The following STK10 variants were observed in gnomAD, a reference collection of about 807,000 sequenced individuals.
The protein encoded by STK10 is serine/threonine kinase 10.
A neutral mutation model predicts 113.8 loss-of-function variants in STK10; 78 were observed. The ratio of observed to expected loss-of-function variants is 0.69; its 90% CI spans 0.57 to 0.83. The LOEUF (loss-of-function observed/expected upper bound fraction) is 0.83, where lower values mean the gene tolerates loss of function less well. Among genes scored for constraint, STK10 ranks in the 40% least tolerant of loss-of-function variants. STK10 has a pLI of 0.00. For missense variants in STK10, 1,109 were observed against 1,280.1 expected (o/e 0.87, Z 2.04); for synonymous variants, 465 against 494.7 (o/e 0.94, Z 0.80).
Position 172,133,296 on chromosome 5 carries a change from A to G in STK10, c.322-5875T>C, listed in dbSNP as rs988725381. Among the ~76,000 whole-genome samples the G allele has an allele frequency of 1.3e-5, 2 of 152,180 alleles. No individual in the cohort carries two copies. Among genetic ancestry groups the G allele is most frequent in the African/African-American group, 4.8e-5 (2 of 41,446 alleles). On this transcript the variant is annotated intron_variant, in intron 2 of 18. Coordinates refer to ENST00000176763, the MANE Select transcript of STK10 (RefSeq NM_005990.4). The surrounding 1 kb of genome is among the most constrained non-coding windows in gnomAD (Gnocchi z 4.9). The stretch of plus-strand genomic sequence containing the variant: ...TTGGAAAGATCCCTCTAGATGCATT[A>G]TTAAGGAAAAAACAGTGGGTTGGGG...
intron 12 of STK10, among the ~76,000 whole-genome samples, chr5:172,072,290 G>A (rs939516911): frequency 1.9e-4 from 28 of 150,084 alleles, no homozygotes; most frequent in African/African-American, 6.9e-4. Context: ...TTTTTGAGAT[G>A]GAGTCTTGCT....
chr5:172,087,256 C>CTTAT (rs59070930), intron 10 of STK10, among the ~76,000 whole-genome samples: 1,580 of 150,242 alleles, frequency 0.011, 8 homozygotes, highest in East Asian at 0.018. Flanking sequence ...TTGGTTTTGG[C>CTTAT]TTATTTATTT....
intron 12 of STK10, among the ~76,000 whole-genome samples, chr5:172,079,809 G>A (rs10073379): frequency 0.17 from 25,322 of 152,036 alleles, 2,330 homozygotes; most frequent in African/African-American, 0.23. Flanking sequence ...TGATCCGCCC[G>A]CCTGGGCCTC....
rs78993434 is a variant in STK10, at chr5:172,185,591, C to T, written c.156+2296G>A. Among the ~76,000 whole-genome samples, 1,357 of 152,302 alleles carry T rather than the reference C, an allele frequency of 8.9e-3. 26 individuals carry two copies. Among genetic ancestry groups the T allele is most frequent in the African/African-American group, 0.031 (1,302 of 41,560 alleles). ...CCAAAAAACCCATATGTTTAGCATA[C>T]GCTAAAAACACCAACTGAACCTTCT... On this transcript the variant is annotated intron_variant, in intron 1 of 18. Transcript: ENST00000176763.
intron 18 of STK10, among the ~76,000 whole-genome samples, chr5:172,050,462 C>T (rs892076835): frequency 1.3e-5 from 2 of 152,154 alleles, no homozygotes; most frequent in Non-Finnish European, 2.9e-5. Flanking sequence ...GAGGCTGAGA[C>T]AGGAGAACTG....
chr5:172,046,430 A>T (rs4867663), intron 18 of STK10, among the ~76,000 whole-genome samples: 81,558 of 151,412 alleles, frequency 0.54, 22,639 homozygotes, highest in Non-Finnish European at 0.62. Flanking sequence ...CAATTCCAGC[A>T]CATAGGCTAT....
chr5:172,187,615 CGCAGTGCAGGACACACA>C lies in STK10; in HGVS notation c.156+255_156+271del, dbSNP rs1218970671. ...CTTTGTCTCCCCGTGCGGCGCCGAG[CGCAGTGCAGGACACACA>C]GGAAGTGCTCCGAAACAGGGCTAGG... On this transcript the variant is annotated intron_variant, in intron 1 of 18. Coordinates refer to ENST00000176763, the MANE Select transcript of STK10 (RefSeq NM_005990.4). The surrounding 1 kb of genome is among the most constrained non-coding windows in gnomAD (Gnocchi z 4.6). Among the ~76,000 whole-genome samples the C allele has an allele frequency of 6.6e-6, 1 of 152,236 alleles. No individual in the cohort carries two copies. Among genetic ancestry groups the C allele is most frequent in the African/African-American group, 2.4e-5 (1 of 41,466 alleles).
chr5:172,176,761 C>T (rs748711832), intron 1 of STK10, among the ~76,000 whole-genome samples: 19 of 152,172 alleles, frequency 1.2e-4, no homozygotes, highest in South Asian at 4.1e-4. Flanking sequence ...TGCTATGGTC[C>T]GAGTGTCTGT....
At chr5:172,074,720 CTAATTAAAAAAT>C (rs1297489176) in intron 12 of STK10, among the ~76,000 whole-genome samples, 7 of 152,070 alleles carry the variant, frequency 4.6e-5, no homozygotes, top group Non-Finnish European at 8.8e-5. Context: ...AAACAAAGTA[CTAATTAAAAAAT>C]TAGCAGCCGG....
chr5:172,109,630 T>G (rs922707148), intron 4 of STK10, among the ~76,000 whole-genome samples: 1 of 152,124 alleles, frequency 6.6e-6, no homozygotes, highest in Non-Finnish European at 1.5e-5. Context: ...TTTACATGCA[T>G]TCCAACACTC....
chr5:172,159,100 A>G (rs1466031821), intron 1 of STK10, among the ~76,000 whole-genome samples: 2 of 152,230 alleles, frequency 1.3e-5, no homozygotes, highest in Non-Finnish European at 2.9e-5. Context: ...TGGAGCAAGC[A>G]ATCCCACCCC....
In STK10 at chr5:172,168,178, AC is replaced by A. The variant is rs1770603789; in HGVS notation, c.157-11391del. Among the ~76,000 whole-genome samples, 2 of 152,218 alleles carry A rather than the reference AC, an allele frequency of 1.3e-5. 1 individual carries two copies. The highest frequency in any genetic ancestry group is 4.1e-4 in the South Asian group (2 of 4,826). On this transcript the variant is annotated intron_variant, in intron 1 of 18. Coordinates refer to ENST00000176763, the MANE Select transcript of STK10 (RefSeq NM_005990.4). ...GCATGTATCAAATATGGTTCAGGCCACTGGAACCAAAGCAGGGCTTGGTCTG... is the reference window on the plus strand; with the variant it reads ...GCATGTATCAAATATGGTTCAGGCCATGGAACCAAAGCAGGGCTTGGTCTG...
At chr5:172,084,323 C>A (rs747691192) in intron 10 of STK10, among the ~76,000 whole-genome samples, 24 of 152,122 alleles carry the variant, frequency 1.6e-4, no homozygotes, top group Middle Eastern at 3.4e-3. Context: ...TCGCTTGAAT[C>A]CGGGAGGCGG....
chr5:172,054,039 T>C (rs1767691345), intron 17 of STK10, among the ~76,000 whole-genome samples: 2 of 152,302 alleles, frequency 1.3e-5, no homozygotes, highest in South Asian at 2.1e-4. Flanking sequence ...CTCCAGAAAT[T>C]GCCCGATGGG....
chr5:172,096,766 G>A (rs575161851), intron 7 of STK10, among the ~76,000 whole-genome samples: 59 of 152,298 alleles, frequency 3.9e-4, no homozygotes, highest in Admixed American at 1.4e-3. Context: ...CTCAGCGGCT[G>A]TGTGACCTTG....
chr5:172,096,495 G>A lies in STK10; in HGVS notation c.936C>T (p.Ala312=), dbSNP rs763505201. 9.9e-6 allele frequency: 16 copies of A among 1,613,586 alleles called. No homozygotes were observed. In the East Asian group the frequency reaches 1.8e-4, roughly 18 times the overall value. ...ALRELVAEAK[A]EVMEEIEDGR... ...CGTCTTCGATCTCTTCCATCACCTC[G>A]GCCTTGGCCTCAGCCACCAGCTCCC... The change falls in exon 8 of 19, where the codon GCC becomes GCT. Residue 312 remains alanine (A), a synonymous_variant. Transcript: ENST00000176763.
chr5:172,089,660 G>C (rs1337632241), intron 10 of STK10, among the ~76,000 whole-genome samples: 1 of 152,104 alleles, frequency 6.6e-6, no homozygotes, highest in Non-Finnish European at 1.5e-5. Context: ...ATGAAGGGAA[G>C]GATGGAATGG....
At chr5:172,098,529 G>A (rs1768907240) in intron 7 of STK10, among the ~76,000 whole-genome samples, 1 of 152,196 alleles carries the variant, frequency 6.6e-6, no homozygotes. Context: ...GTGTGTGCAG[G>A]TGAGCCACAG....
At chr5:172,164,992 G>A (rs532471233) in intron 1 of STK10, among the ~76,000 whole-genome samples, 72 of 152,182 alleles carry the variant, frequency 4.7e-4, no homozygotes, top group Non-Finnish European at 9.0e-4. Flanking sequence ...ACCTCTGTGG[G>A]AACAATCCTC....
Sources: gnomAD v4.1 joint callset for allele counts (sites outside exome capture counted in the v4.1 genomes callset) on GRCh38, gnomAD v4.1.1 for gene constraint, Gnocchi (gnomAD v3.1) non-coding constraint, MANE v1.5 for transcripts, NCBI Gene and HGNC (gene_info 2026-07-23, HGNC 2026-07-21) for gene names.